Variants in LIPA observed in about 807,000 individuals in gnomAD.
LIPA encodes lysosomal acid lipase/cholesteryl ester hydrolase.
In LIPA, 26 loss-of-function variants were observed where a neutral mutation model predicts 40.6. The observed-to-expected ratio is 0.64, with a 90% CI of 0.47 to 0.89. The LOEUF (loss-of-function observed/expected upper bound fraction) is 0.89, where lower values mean the gene tolerates loss of function less well. Among genes scored for constraint, LIPA ranks in the 40% least tolerant of loss-of-function variants. LIPA has a pLI of 0.00. For synonymous variants in LIPA, 188 were observed against 168.4 expected, an observed-to-expected ratio of 1.12 and a Z score of -0.90; for missense variants, 455 against 479.6, an observed-to-expected ratio of 0.95 and a Z score of 0.48.
chr10:89,234,224 T>A (rs746409147), intron 3 of LIPA, among the ~76,000 whole-genome samples: 48 of 152,326 alleles, frequency 3.2e-4, no homozygotes, highest in East Asian at 3.9e-4. Context: ...AGTGTGCACA[T>A]GAAAGCCTCC....
At chr10:89,392,602 A>T in intron 2 of LIPA, 1 of 1,206,494 alleles carries the variant, frequency 8.3e-7, no homozygotes, top group Non-Finnish European at 1.2e-6. Flanking sequence ...CTTATATAAC[A>T]CTGTCTTGGG....
chr10:89,402,487 C>A, intron 2 of LIPA: 1 of 1,614,162 alleles, frequency 6.2e-7, no homozygotes, highest in South Asian at 1.1e-5. Context: ...AATGAGGAAG[C>A]CCTGAAGAGC....
intron 2 of LIPA, among the ~76,000 whole-genome samples, chr10:89,356,380 G>A (rs1843988650): frequency 2.0e-5 from 3 of 152,158 alleles, no homozygotes; most frequent in Non-Finnish European, 4.4e-5. Context: ...TCCGAGGCCT[G>A]TTAGGAACTG....
chr10:89,253,184 C>G (rs1374405525), upstream of LIPA, among the ~76,000 whole-genome samples: 1 of 152,176 alleles, frequency 6.6e-6, no homozygotes, highest in African/African-American at 2.4e-5. Flanking sequence ...AAAGATCATT[C>G]TGAACTACAG....
intron 2 of LIPA, among the ~76,000 whole-genome samples, chr10:89,361,558 G>C (rs11203092): frequency 0.013 from 1,958 of 152,170 alleles, 23 homozygotes; most frequent in South Asian, 0.035. Context: ...CCTGAGAAAC[G>C]AAAGTGTCAT....
chr10:89,264,062 C>G (rs1589582404), intron 1 of LIPA, among the ~76,000 whole-genome samples: 1 of 152,336 alleles, frequency 6.6e-6, no homozygotes, highest in Non-Finnish European at 1.5e-5. Flanking sequence ...GTGGCACAGC[C>G]CTGGCTTGGG....
intron 1 of LIPA, among the ~76,000 whole-genome samples, chr10:89,312,591 G>A (rs923045087): frequency 5.3e-5 from 8 of 151,862 alleles, no homozygotes; most frequent in East Asian, 1.9e-4. Flanking sequence ...GGCGGATCAC[G>A]AGGTCAGGAG....
chr10:89,340,129 G>A (rs778996510), intron 1 of LIPA: 1 of 1,577,744 alleles, frequency 6.3e-7, no homozygotes, highest in East Asian at 2.2e-5. Flanking sequence ...ACTGAACTGA[G>A]ACAGAGGAGG....
In LIPA at chr10:89,383,789, G is replaced by A. The variant is rs772157106; in HGVS notation, c.61+29002C>T. 2.8e-5 allele frequency: 45 copies of A among 1,614,054 alleles called. No individual in the cohort carries two copies. The highest frequency in any genetic ancestry group is 6.7e-5 in the Admixed American group (4 of 60,008). Reference sequence around the variant, plus strand: ...AAGTGTGGTGGAAAGAATTATGAACGGGCCAAGACCTGCTTTGAAAAGGCT... The same window carrying A: ...AAGTGTGGTGGAAAGAATTATGAACAGGCCAAGACCTGCTTTGAAAAGGCT... On this transcript the variant is annotated intron_variant, in intron 2 of 8. Transcript: ENST00000371837.
upstream of LIPA, among the ~76,000 whole-genome samples, chr10:89,254,738 A>G (rs1257196372): frequency 6.6e-6 from 1 of 152,202 alleles, no homozygotes; most frequent in Non-Finnish European, 1.5e-5. Flanking sequence ...TTAAAACTGA[A>G]TTCTTTTAAC....
intron 1 of LIPA, among the ~76,000 whole-genome samples, chr10:89,329,284 A>G (rs539554854): frequency 6.6e-6 from 1 of 152,262 alleles, no homozygotes; most frequent in East Asian, 1.9e-4. Flanking sequence ...ACTGCCAAAT[A>G]CCTCAGTATA....
At chr10:89,356,033 G>A (rs558504508) in intron 2 of LIPA, among the ~76,000 whole-genome samples, 4 of 152,304 alleles carry the variant, frequency 2.6e-5, no homozygotes, top group Non-Finnish European at 5.9e-5. Context: ...TATGGAGTAG[G>A]CTTTCTTTTA....
chr10:89,388,371 G>A (rs963753082), intron 2 of LIPA, among the ~76,000 whole-genome samples: 1 of 152,184 alleles, frequency 6.6e-6, no homozygotes, highest in Non-Finnish European at 1.5e-5. Context: ...CTCCCACAGT[G>A]CTGGGATTAC....
In LIPA at chr10:89,306,004, A is replaced by G. The variant is rs1356504947; in HGVS notation, c.-2+36607T>C. 4 of 1,613,904 alleles carry G rather than the reference A, an allele frequency of 2.5e-6. No individual in the cohort carries two copies. In the Admixed American group the frequency reaches 6.7e-5, roughly 27 times the overall value. On this transcript the variant is annotated intron_variant, in intron 1 of 5. Transcript: ENST00000282673. ...CCTTGGAGAGCAGCCTACGGCAACTAAAATGCCATTTCACCTGGAACTTGA... is the reference window on the plus strand; with the variant it reads ...CCTTGGAGAGCAGCCTACGGCAACTGAAATGCCATTTCACCTGGAACTTGA...
chr10:89,325,752 A>G (rs1369813880), intron 1 of LIPA, among the ~76,000 whole-genome samples: 4 of 152,172 alleles, frequency 2.6e-5, no homozygotes, highest in African/African-American at 9.6e-5. Context: ...ACTACCTATC[A>G]TGTACTATGC....
At chr10:89,233,716 A>C (rs1405423000) in intron 3 of LIPA, among the ~76,000 whole-genome samples, 2 of 152,180 alleles carry the variant, frequency 1.3e-5, no homozygotes, top group African/African-American at 4.8e-5. Context: ...CCTGGCCAGC[A>C]TGGTGAAACC....
At position 89,224,991 on chromosome 10, in the gene LIPA, C is replaced by T. The variant is rs1199557248; in HGVS notation, c.675+101G>A. The T allele has an allele frequency of 1.0e-5, 14 of 1,403,630 alleles. No individual in the cohort carries two copies. The African/African-American group carries it at 1.1e-4, about 11-fold the overall frequency. 86.9% of individuals were successfully genotyped at this position (1,403,630 alleles called of 1,614,324 possible). On this transcript the variant is annotated intron_variant, in intron 6 of 9. Coordinates refer to ENST00000336233, the MANE Select transcript of LIPA (RefSeq NM_000235.4). Reference sequence around the variant, plus strand: ...GCCCACTGCTCCACTGATATCAAAACGCAGGGGAGGAAGGCACAGATTATC... The same window carrying T: ...GCCCACTGCTCCACTGATATCAAAATGCAGGGGAGGAAGGCACAGATTATC...
At chr10:89,282,574 AGGT>A (rs1479957063) in intron 1 of LIPA, among the ~76,000 whole-genome samples, 2 of 152,150 alleles carry the variant, frequency 1.3e-5, no homozygotes. Context: ...CAGGAGGCAG[AGGT>A]TGCGGTGAGC....
intron 1 of LIPA, among the ~76,000 whole-genome samples, chr10:89,250,870 C>T (rs1378965433): frequency 1.3e-5 from 2 of 152,092 alleles, no homozygotes; most frequent in African/African-American, 4.8e-5. Flanking sequence ...AAAAACCTTC[C>T]AGGCTGAATT....
Sources: allele counts gnomAD v4.1 joint callset (sites outside exome capture counted in the v4.1 genomes callset), GRCh38; gene constraint gnomAD v4.1.1; transcripts MANE v1.5; gene names NCBI Gene and HGNC (gene_info 2026-07-23, HGNC 2026-07-21).